Variants in TYW1B observed in about 807,000 individuals in gnomAD.
The protein encoded by TYW1B is tRNA-yW synthesizing protein 1 homolog B, also known as S-adenosyl-L-methionine-dependent tRNA 4-demethylwyosine synthase TYW1B.
TYW1B carries 73 observed loss-of-function variants against 86.9 expected under a neutral mutation model. The ratio of observed to expected loss-of-function variants is 0.84; its 90% CI spans 0.70 to 1.02. The LOEUF (loss-of-function observed/expected upper bound fraction) is 1.02. Ranked by LOEUF, TYW1B falls within the 50% of genes least tolerant of loss-of-function variation. The pLI is 0.00. For missense variants in TYW1B, 637 were observed against 827.4 expected (o/e 0.77, Z 2.82); for synonymous variants, 248 against 292.8 (o/e 0.85, Z 1.56).
chr7:72,787,174 TA>T, intron 6 of TYW1B, among the ~76,000 whole-genome samples: 1 of 152,164 alleles, frequency 6.6e-6, no homozygotes, highest in East Asian at 1.9e-4. Flanking sequence ...TAAGCAAATT[TA>T]AAATGTCTAA....
intron 11 of TYW1B, among the ~76,000 whole-genome samples, chr7:72,639,050 C>T (rs1247850000): frequency 2.6e-5 from 4 of 152,026 alleles, no homozygotes; most frequent in Non-Finnish European, 5.9e-5. Context: ...TTGGAGCAAT[C>T]ACATTACAAG....
intron 7 of TYW1B, chr7:72,769,162 T>C (rs34881399): frequency 0.012 from 5,397 of 456,898 alleles, 86 homozygotes; most frequent in Non-Finnish European, 0.015. Context: ...GTGTGCTGCA[T>C]TGGAACTGTG....
chr7:72,609,135 A>G (rs1811870913), intron 13 of TYW1B, among the ~76,000 whole-genome samples: 6 of 152,204 alleles, frequency 3.9e-5, no homozygotes, highest in Admixed American at 3.9e-4. Flanking sequence ...TGAATCTATA[A>G]TTGTTTTAAA....
chr7:72,615,903 T>C (rs1396383567), intron 13 of TYW1B, among the ~76,000 whole-genome samples: 6 of 151,582 alleles, frequency 4.0e-5, no homozygotes, highest in Non-Finnish European at 7.4e-5. Context: ...AAATGAAATA[T>C]GGAGAGATGG....
At chr7:72,627,574 C>T (rs1298426331) in intron 12 of TYW1B, among the ~76,000 whole-genome samples, 2 of 151,882 alleles carry the variant, frequency 1.3e-5, no homozygotes, top group African/African-American at 4.8e-5. Context: ...AGTCAACCAC[C>T]ATATCTAGTA....
At chr7:72,638,983 C>T (rs2844154) in intron 11 of TYW1B, among the ~76,000 whole-genome samples, 10 of 152,128 alleles carry the variant, frequency 6.6e-5, no homozygotes, top group Admixed American at 5.2e-4. Context: ...CAAATTCTAA[C>T]GACAAATGAC....
chr7:72,647,784 A>C (rs1204889855), intron 11 of TYW1B, among the ~76,000 whole-genome samples: 3 of 152,022 alleles, frequency 2.0e-5, no homozygotes, highest in Non-Finnish European at 4.4e-5. Context: ...TCCCAGGCTC[A>C]AACCATCCTC....
rs377506479 is a variant in TYW1B at position 72,713,638 on chromosome 7, T to C, written c.1353A>G (p.Gln451=). Residue 451 remains glutamine, a synonymous_variant, in exon 10 of 14, where the codon CAA becomes CAG. Transcript: ENST00000620995. ...KISSFLVTNA[Q]FPAEIRNLEP... ...GAACTCACCTGATTTCCGCAGGAAA[T>C]TGTGCATTTGTGACCAGGAAGCTGG... 3 of 1,613,720 alleles carry C rather than the reference T, an allele frequency of 1.9e-6. No homozygotes were observed. Among genetic ancestry groups the C allele is most frequent in the Middle Eastern group, 1.6e-4 (1 of 6,080 alleles).
intron 11 of TYW1B, among the ~76,000 whole-genome samples, chr7:72,645,586 G>A (rs1375635827): frequency 6.6e-6 from 1 of 152,130 alleles, no homozygotes; most frequent in Non-Finnish European, 1.5e-5. Context: ...CTCATACATT[G>A]ACATATAGCA....
chr7:72,606,738 G>A (rs1563027695), intron 13 of TYW1B, among the ~76,000 whole-genome samples: 1 of 151,506 alleles, frequency 6.6e-6, no homozygotes, highest in Admixed American at 6.6e-5. Context: ...CCTCTACTTG[G>A]CAGTAACAAG....
At chr7:72,686,461 A>G (rs1474264813) in intron 11 of TYW1B, among the ~76,000 whole-genome samples, 1 of 152,198 alleles carries the variant, frequency 6.6e-6, no homozygotes. Context: ...TGAAAAGGCT[A>G]CATACGGTAT....
At chr7:72,819,356 G>C (rs1361330818) in intron 2 of TYW1B, among the ~76,000 whole-genome samples, 2 of 152,210 alleles carry the variant, frequency 1.3e-5, no homozygotes, top group African/African-American at 4.8e-5. Flanking sequence ...GGAGTCAGAA[G>C]AGGGCCGAGT....
At chr7:72,617,137 T>A (rs1484079987) in intron 12 of TYW1B, among the ~76,000 whole-genome samples, 1 of 152,226 alleles carries the variant, frequency 6.6e-6, no homozygotes, top group Admixed American at 6.5e-5. Context: ...TTTGAATCAA[T>A]AGCATGTCTT....
At chr7:72,789,404 G>A (rs1788182068) in intron 6 of TYW1B, among the ~76,000 whole-genome samples, 1 of 152,122 alleles carries the variant, frequency 6.6e-6, no homozygotes, top group Non-Finnish European at 1.5e-5. Context: ...CCAAACTACT[G>A]GGATGATAGG....
Position 72,633,694 on chromosome 7 carries a change from A to G in TYW1B, c.1507-4697T>C, listed in dbSNP as rs571968016. 2.0e-5 allele frequency among the ~76,000 whole-genome samples: 3 copies of G among 152,212 alleles called. No homozygotes were observed. The East Asian group carries it at 5.8e-4, about 29-fold the overall frequency. ...ATACATTATTTTGTGTTTGGTGTCTATCACTCAACACTGTGTTTATAAAAT... is the reference window on the plus strand; with the variant it reads ...ATACATTATTTTGTGTTTGGTGTCTGTCACTCAACACTGTGTTTATAAAAT... On this transcript the variant is annotated intron_variant, in intron 11 of 13. Coordinates refer to ENST00000620995, the MANE Select transcript of TYW1B (RefSeq NM_001145440.3).
At position 72,807,288 on chromosome 7, in the gene TYW1B, G is replaced by A. The variant is rs782345455; in HGVS notation, c.501C>T (p.Gly167=). Reference sequence around the variant, plus strand: ...GCTTGCTTTTAACCACGTCGCAGTCGCCCTCCCCTCGACTCATCACACGAT... The same window carrying A: ...GCTTGCTTTTAACCACGTCGCAGTCACCCTCCCCTCGACTCATCACACGAT... The part of the protein sequence containing the change: ...GVHRVMSRGE[G]DCDVVKSKHG... Residue 167 remains glycine (G), a synonymous_variant, in exon 5 of 14, where the codon GGC becomes GGT. Coordinates refer to ENST00000620995, the MANE Select transcript of TYW1B (RefSeq NM_001145440.3). 8.7e-6 allele frequency: 14 copies of A among 1,613,982 alleles called. No individual in the cohort carries two copies. The highest frequency in any genetic ancestry group is 1.6e-4 in the Middle Eastern group (1 of 6,084).
chr7:72,666,689 T>A (rs1813470054), intron 11 of TYW1B, among the ~76,000 whole-genome samples: 1 of 152,098 alleles, frequency 6.6e-6, no homozygotes, highest in African/African-American at 2.4e-5. Context: ...CTATTTTAAT[T>A]GGGAAAAATT....
At chr7:72,778,430 G>A (rs1315392651) in intron 6 of TYW1B, among the ~76,000 whole-genome samples, 1 of 152,082 alleles carries the variant, frequency 6.6e-6, no homozygotes, top group East Asian at 1.9e-4. Flanking sequence ...ACCACCAACA[G>A]CCATTCCAAT....
intron 11 of TYW1B, among the ~76,000 whole-genome samples, chr7:72,667,600 G>C (rs1226883830): frequency 6.6e-6 from 1 of 152,134 alleles, no homozygotes; most frequent in Non-Finnish European, 1.5e-5. Context: ...TGTAGTCCCA[G>C]CTACTCGGAA....
Sources: allele counts gnomAD v4.1 joint callset (sites outside exome capture counted in the v4.1 genomes callset), GRCh38; gene constraint gnomAD v4.1.1; transcripts MANE v1.5; gene names NCBI Gene and HGNC (gene_info 2026-07-23, HGNC 2026-07-21).